The following SAMMSON variants were observed in gnomAD, a reference collection of about 807,000 sequenced individuals.
SAMMSON encodes the protein long intergenic non-protein coding RNA 1212.
At chr3:70,124,543 T>G (rs1165980092) in intron 4 of SAMMSON, among the ~76,000 whole-genome samples, 4 of 152,152 alleles carry the variant, frequency 2.6e-5, no homozygotes, top group South Asian at 4.1e-4. Flanking sequence ...CCGAGTACCG[T>G]GGCTCACGCC....
chr3:70,003,936 TTGC>T (rs2066915882), intron 1 of SAMMSON, among the ~76,000 whole-genome samples: 2 of 152,072 alleles, frequency 1.3e-5, no homozygotes, highest in South Asian at 4.1e-4. Context: ...CTGCTTTAAT[TTGC>T]ATATATTTTA....
intron 9 of SAMMSON, among the ~76,000 whole-genome samples, chr3:70,383,145 T>C (rs1575638010): frequency 6.6e-6 from 1 of 152,088 alleles, no homozygotes; most frequent in Non-Finnish European, 1.5e-5. Flanking sequence ...TGATTTAAAA[T>C]AGTTTTTCAT....
intron 6 of SAMMSON, among the ~76,000 whole-genome samples, chr3:70,269,035 G>A (rs995002841): frequency 1.1e-4 from 17 of 151,974 alleles, no homozygotes; most frequent in Non-Finnish European, 2.4e-4. Context: ...ATTCTATTGT[G>A]ATAGGATATA....
intron 3 of SAMMSON, among the ~76,000 whole-genome samples, chr3:70,063,286 A>G (rs1423022832): frequency 1.3e-5 from 2 of 152,096 alleles, no homozygotes; most frequent in Admixed American, 1.3e-4. Flanking sequence ...TACACCAAAT[A>G]TATCTTTAGA....
intron 9 of SAMMSON, among the ~76,000 whole-genome samples, chr3:70,379,104 C>G (rs1237622078): frequency 2.0e-5 from 3 of 151,882 alleles, no homozygotes; most frequent in African/African-American, 7.3e-5. Context: ...ACCTCCACCT[C>G]CCAGGTTCAA....
intron 4 of SAMMSON, among the ~76,000 whole-genome samples, chr3:70,197,539 G>A: frequency 6.6e-6 from 1 of 152,158 alleles, no homozygotes. Flanking sequence ...AAAAATTGCA[G>A]GGACTCCCCA....
intron 7 of SAMMSON, among the ~76,000 whole-genome samples, chr3:70,301,212 A>G (rs1006492091): frequency 6.6e-6 from 1 of 152,132 alleles, no homozygotes; most frequent in Non-Finnish European, 1.5e-5. Context: ...ACTCTTTAGC[A>G]TAGTTGTTTT....
At chr3:70,430,267 G>C (rs147389511) in intron 2 of SAMMSON, among the ~76,000 whole-genome samples, 2 of 152,096 alleles carry the variant, frequency 1.3e-5, no homozygotes, top group African/African-American at 2.4e-5. Flanking sequence ...GATGGATTAC[G>C]TTTATTGATT....
intron 4 of SAMMSON, among the ~76,000 whole-genome samples, chr3:70,224,830 C>T (rs1027377373): frequency 1.3e-5 from 2 of 152,044 alleles, no homozygotes; most frequent in Admixed American, 6.6e-5. Flanking sequence ...AGTTTCCCCC[C>T]CCACACCTCA....
At chr3:70,395,722 T>C (rs1454741702) in intron 2 of SAMMSON, among the ~76,000 whole-genome samples, 3 of 152,088 alleles carry the variant, frequency 2.0e-5, no homozygotes, top group South Asian at 2.1e-4. Context: ...ATATATCTAA[T>C]ATCATCATCC....
chr3:70,119,890 G>A (rs1043846816), intron 4 of SAMMSON, among the ~76,000 whole-genome samples: 4 of 152,160 alleles, frequency 2.6e-5, no homozygotes, highest in African/African-American at 7.2e-5. Context: ...ATCCATTTTG[G>A]TTATTTTAAA....
chr3:70,127,977 G>A (rs571198366), intron 4 of SAMMSON, among the ~76,000 whole-genome samples: 1 of 152,300 alleles, frequency 6.6e-6, no homozygotes, highest in East Asian at 1.9e-4. Context: ...TCATACTCTG[G>A]AGTACAAGGA....
At chr3:70,027,659 A>G (rs1321899318) in intron 3 of SAMMSON, among the ~76,000 whole-genome samples, 1 of 152,216 alleles carries the variant, frequency 6.6e-6, no homozygotes, top group African/African-American at 2.4e-5. Flanking sequence ...AGGTGGATCT[A>G]TGCATTTATT....
chr3:70,140,721 A>C (rs1220286555), intron 4 of SAMMSON, among the ~76,000 whole-genome samples: 2 of 152,174 alleles, frequency 1.3e-5, no homozygotes, highest in Non-Finnish European at 2.9e-5. Context: ...CTTTGCTCAC[A>C]AATTCTACCT....
rs544904023 is a variant in SAMMSON, at chr3:70,110,933, G to T, written n.507+39368G>T. Reference sequence around the variant, plus strand: ...AGTAACCAGGGAGAAATGTTTCTCTGATCAAATTTAAGACCCTCTGTCTAA... The same window carrying T: ...AGTAACCAGGGAGAAATGTTTCTCTTATCAAATTTAAGACCCTCTGTCTAA... On this transcript the variant is annotated intron_variant and non_coding_transcript_variant, in intron 4 of 9. Coordinates refer to ENST00000642114, the Ensembl canonical transcript of SAMMSON. Among the ~76,000 whole-genome samples the T allele has an allele frequency of 4.6e-5, 7 of 152,272 alleles. No homozygotes were observed. The South Asian group carries it at 1.5e-3, about 32-fold the overall frequency.
At chr3:70,268,469 C>T (rs868519143) in intron 6 of SAMMSON, among the ~76,000 whole-genome samples, 7 of 83,754 alleles carry the variant, frequency 8.4e-5, no homozygotes, top group South Asian at 1.1e-3. Flanking sequence ...AGCGAGACTC[C>T]GTCTCAAAAA....
At chr3:70,276,435 T>C (rs1446196966) in intron 6 of SAMMSON, among the ~76,000 whole-genome samples, 1 of 152,222 alleles carries the variant, frequency 6.6e-6, no homozygotes, top group Non-Finnish European at 1.5e-5. Flanking sequence ...TAACAAATCT[T>C]TGCATATGCC....
chr3:70,274,367 T>C (rs1381675959), intron 6 of SAMMSON, among the ~76,000 whole-genome samples: 1 of 151,470 alleles, frequency 6.6e-6, no homozygotes, highest in Non-Finnish European at 1.5e-5. Context: ...CTTAATTCTC[T>C]TGAAATATAG....
chr3:70,051,714 C>A (rs2067146889), intron 3 of SAMMSON, among the ~76,000 whole-genome samples: 1 of 147,526 alleles, frequency 6.8e-6, no homozygotes, highest in South Asian at 2.2e-4. Context: ...CATTAGATCT[C>A]TTTCCATTTC....
Sources: allele counts gnomAD v4.1 joint callset (sites outside exome capture counted in the v4.1 genomes callset), GRCh38; gene constraint gnomAD v4.1.1; transcripts MANE v1.5; gene names NCBI Gene and HGNC (gene_info 2026-07-23, HGNC 2026-07-21).